Variants in WWOX observed in about 807,000 individuals in gnomAD.
WWOX encodes the protein WW domain-containing oxidoreductase.
Under a neutral mutation model 46.2 loss-of-function variants are expected in WWOX, and 69 were observed. That is an observed-to-expected ratio of 1.49 (90% CI 1.23 to 1.82). The LOEUF (loss-of-function observed/expected upper bound fraction) is 1.82. WWOX is among the 40% of genes most tolerant of loss of function. WWOX has a pLI of 0.00. For synonymous variants in WWOX, 359 were observed against 202.6 expected (o/e 1.77, Z -6.56); for missense variants, 919 against 542.6 (o/e 1.69, Z -6.89).
intron 8 of WWOX, among the ~76,000 whole-genome samples, chr16:79,058,920 C>A (rs948861615): frequency 6.6e-6 from 1 of 152,160 alleles, no homozygotes; most frequent in Non-Finnish European, 1.5e-5. Context: ...TTGGACATGT[C>A]AAAATCTAGA....
At chr16:78,559,247 C>G (rs552669053) in intron 8 of WWOX, among the ~76,000 whole-genome samples, 7 of 152,182 alleles carry the variant, frequency 4.6e-5, no homozygotes, top group Non-Finnish European at 8.8e-5. Context: ...AATAAGGGGA[C>G]CATGCATGTA....
chr16:78,233,895 CT>C (rs532698020), intron 5 of WWOX, among the ~76,000 whole-genome samples: 32 of 152,278 alleles, frequency 2.1e-4, no homozygotes, highest in African/African-American at 7.7e-4. Flanking sequence ...ATATGTTCTT[CT>C]TCTTGAGGAT....
At chr16:78,305,560 G>T (rs2151870117) in intron 5 of WWOX, among the ~76,000 whole-genome samples, 1 of 152,068 alleles carries the variant, frequency 6.6e-6, no homozygotes, top group Middle Eastern at 3.4e-3. Context: ...AAAAGCCCCA[G>T]ACCATTCCCG....
intron 8 of WWOX, among the ~76,000 whole-genome samples, chr16:78,914,837 C>T (rs766843958): frequency 4.7e-5 from 7 of 147,986 alleles, no homozygotes; most frequent in Non-Finnish European, 8.9e-5. Context: ...CAGGATCGCG[C>T]CACTGCACTC....
At chr16:78,204,763 A>C (rs1255866321) in intron 5 of WWOX, among the ~76,000 whole-genome samples, 1 of 152,186 alleles carries the variant, frequency 6.6e-6, no homozygotes, top group Non-Finnish European at 1.5e-5. Flanking sequence ...CTGGGATGAG[A>C]AATATGAGGG....
chr16:78,837,694 G>A (rs541106963), intron 8 of WWOX, among the ~76,000 whole-genome samples: 1 of 152,160 alleles, frequency 6.6e-6, no homozygotes, highest in Admixed American at 6.5e-5. Context: ...GACAAAGATT[G>A]AGTGATTAGA....
At chr16:79,129,860 C>T (rs754597741) in intron 8 of WWOX, among the ~76,000 whole-genome samples, 3 of 152,178 alleles carry the variant, frequency 2.0e-5, no homozygotes, top group Non-Finnish European at 4.4e-5. Flanking sequence ...GTGCTGAGCA[C>T]ACAGGCAGGG....
At chr16:78,887,942 A>C (rs1263429851) in intron 8 of WWOX, among the ~76,000 whole-genome samples, 1 of 152,216 alleles carries the variant, frequency 6.6e-6, no homozygotes, top group East Asian at 1.9e-4. Flanking sequence ...TCACATTAGA[A>C]AGCTCACTCT....
chr16:78,846,491 C>G (rs371178162), intron 8 of WWOX, among the ~76,000 whole-genome samples: 1 of 151,922 alleles, frequency 6.6e-6, no homozygotes, highest in East Asian at 1.9e-4. Flanking sequence ...GTAGAATGCC[C>G]GTAATTTGGG....
intron 8 of WWOX, among the ~76,000 whole-genome samples, chr16:78,908,051 A>G (rs984512569): frequency 2.0e-5 from 3 of 152,144 alleles, no homozygotes; most frequent in African/African-American, 7.2e-5. Flanking sequence ...TACTAACCGT[A>G]TGAAAGTTTA....
intron 5 of WWOX, among the ~76,000 whole-genome samples, chr16:78,178,756 C>T (rs1470124048): frequency 1.3e-5 from 2 of 151,338 alleles, no homozygotes; most frequent in Non-Finnish European, 2.9e-5. Context: ...CCCAGCTGCT[C>T]AGGAAGCTGA....
intron 7 of WWOX, among the ~76,000 whole-genome samples, chr16:78,429,397 C>G (rs1001626959): frequency 7.9e-5 from 12 of 152,188 alleles, no homozygotes; most frequent in African/African-American, 2.9e-4. Context: ...CATTCTCTCC[C>G]TGACTTCCAC....
intron 8 of WWOX, among the ~76,000 whole-genome samples, chr16:78,921,155 AG>A (rs1213838108): frequency 6.6e-6 from 1 of 152,166 alleles, no homozygotes; most frequent in Non-Finnish European, 1.5e-5. Context: ...AAAAAACATA[AG>A]GGAACTTTTT....
At chr16:78,558,807 C>T (rs905823592) in intron 8 of WWOX, among the ~76,000 whole-genome samples, 5 of 152,218 alleles carry the variant, frequency 3.3e-5, no homozygotes, top group African/African-American at 4.8e-5. Context: ...TTTCCTTCAC[C>T]AAACCAAGTG....
chr16:78,597,273 G>A (rs1217392170), intron 8 of WWOX, among the ~76,000 whole-genome samples: 2 of 152,152 alleles, frequency 1.3e-5, no homozygotes, highest in African/African-American at 4.8e-5. Flanking sequence ...TATTAATCAA[G>A]GAGTCAGTCA....
chr16:78,728,055 CTTTTTTTTTT>C (rs758484198), intron 8 of WWOX, among the ~76,000 whole-genome samples: 79 of 86,784 alleles, frequency 9.1e-4, no homozygotes, highest in Non-Finnish European at 1.4e-3. Context: ...TCCCTCCTTC[CTTTTTTTTTT>C]TTTTTTTTTT....
At chr16:78,448,678 T>C (rs1051129057) in intron 8 of WWOX, among the ~76,000 whole-genome samples, 9 of 152,220 alleles carry the variant, frequency 5.9e-5, no homozygotes, top group Non-Finnish European at 1.3e-4. Flanking sequence ...AGTTAAAATA[T>C]AGACTTTGTT....
intron 8 of WWOX, among the ~76,000 whole-genome samples, chr16:78,727,232 C>G (rs1166592026): frequency 2.0e-5 from 3 of 152,158 alleles, no homozygotes; most frequent in African/African-American, 2.4e-5. Flanking sequence ...AACCCTGTCT[C>G]TACTAGAAAT....
chr16:78,509,998 G>T (rs2085320312), intron 8 of WWOX, among the ~76,000 whole-genome samples: 1 of 151,844 alleles, frequency 6.6e-6, no homozygotes, highest in African/African-American at 2.4e-5. Flanking sequence ...TTCTGGGGAT[G>T]CTGCAGCGAG....
Sources: gnomAD v4.1 joint callset for allele counts (sites outside exome capture counted in the v4.1 genomes callset) on GRCh38, gnomAD v4.1.1 for gene constraint, MANE v1.5 for transcripts, NCBI Gene and HGNC (gene_info 2026-07-23, HGNC 2026-07-21) for gene names.